Variants in CCNJL observed in about 807,000 individuals in gnomAD.
CCNJL encodes cyclin-J-like protein.
CCNJL carries 33 observed loss-of-function variants against 33.4 expected under a neutral mutation model. That is an observed-to-expected ratio of 0.99 (90% CI 0.75 to 1.32). CCNJL has a LOEUF of 1.32. Ranked by LOEUF, CCNJL falls within the 40% of genes most tolerant of loss-of-function variation. The pLI, the probability that CCNJL is intolerant of heterozygous loss-of-function variation, is 0.00. For synonymous variants in CCNJL, 227 were observed against 220.9 expected (o/e 1.03, Z -0.24); for missense variants, 512 against 499.7 (o/e 1.02, Z -0.23).
intron 2 of CCNJL, among the ~76,000 whole-genome samples, chr5:160,290,931 GGGTGCA>G (rs1432046999): frequency 2.0e-5 from 3 of 151,510 alleles, no homozygotes; most frequent in Non-Finnish European, 4.4e-5. Flanking sequence ...GGCAGGGGCT[GGGTGCA>G]GTGACTCACA....
chr5:160,305,681 A>T (rs1421454354), intron 2 of CCNJL, among the ~76,000 whole-genome samples: 3 of 152,350 alleles, frequency 2.0e-5, no homozygotes, highest in Non-Finnish European at 4.4e-5. Flanking sequence ...GGATATTTTT[A>T]AAATGAATTT....
At chr5:160,307,340 A>C (rs576352866) in intron 2 of CCNJL, among the ~76,000 whole-genome samples, 21 of 152,180 alleles carry the variant, frequency 1.4e-4, no homozygotes, top group Admixed American at 2.6e-4. Context: ...ATGGTGAAAG[A>C]AGCAAGGATG....
chr5:160,339,384 C>G, intron 1 of CCNJL: 1 of 340,460 alleles, frequency 2.9e-6, no homozygotes, highest in South Asian at 2.3e-5. Flanking sequence ...AAAAAAAACG[C>G]CAAAACCCCA....
intron 3 of CCNJL, among the ~76,000 whole-genome samples, chr5:160,279,529 T>C (rs546646363): frequency 6.6e-6 from 1 of 151,436 alleles, no homozygotes; most frequent in Non-Finnish European, 1.5e-5. Context: ...CCATGGGGGG[T>C]GGTGGTTGTT....
chr5:160,323,911 T>C (rs1763502973), intron 1 of CCNJL, among the ~76,000 whole-genome samples: 1 of 152,230 alleles, frequency 6.6e-6, no homozygotes, highest in Admixed American at 6.5e-5. Flanking sequence ...ATTGAAACAT[T>C]GGCTCTTTCT....
At chr5:160,280,443 G>A in intron 3 of CCNJL, 82 bp downstream of exon 3, 1 of 1,117,132 alleles carries the variant, frequency 9.0e-7, no homozygotes, top group African/African-American at 1.5e-5. Context: ...TCGTCAAAAT[G>A]TAAAGTGATT....
In CCNJL at chr5:160,337,348, T is replaced by C. The variant is rs185235457; in HGVS notation, n.206+2097A>G. Among the ~76,000 whole-genome samples the C allele has an allele frequency of 1.1e-4, 16 of 152,174 alleles. No individual in the cohort carries two copies. The East Asian group carries it at 3.1e-3, about 29-fold the overall frequency. Reference sequence around the variant, plus strand: ...GGGATTATTAAACTAATCTCCTGTCTCCCTCTTTTGTCATTGCCCCTCACA... The same window carrying C: ...GGGATTATTAAACTAATCTCCTGTCCCCCTCTTTTGTCATTGCCCCTCACA... On this transcript the variant is annotated intron_variant and non_coding_transcript_variant, in intron 1 of 7. Transcript: ENST00000377503.
chr5:160,275,513 C>G (rs1211530987), intron 3 of CCNJL, among the ~76,000 whole-genome samples: 1 of 152,046 alleles, frequency 6.6e-6, no homozygotes, highest in Admixed American at 6.6e-5. Context: ...GAGATAGGGT[C>G]TGGCTCTGTG....
At position 160,294,482 on chromosome 5, in the gene CCNJL, T is replaced by A. The variant is rs181272097; in HGVS notation, c.67-13744A>T. ...GGCCAGCTCCAAGCACACCTCCTCA[T>A]TCCCGGAAGCCAGAGCCACTGCCCT... On this transcript the variant is annotated intron_variant, in intron 2 of 5. Coordinates refer to ENST00000257536, the MANE Select transcript of CCNJL (RefSeq NM_001308173.3). Among the ~76,000 whole-genome samples, 4 of 152,256 alleles carry A rather than the reference T, an allele frequency of 2.6e-5. No homozygotes were observed. The East Asian group carries it at 7.8e-4, about 30-fold the overall frequency.
At chr5:160,264,360 T>A (rs1580956853) in intron 3 of CCNJL, among the ~76,000 whole-genome samples, 2 of 152,294 alleles carry the variant, frequency 1.3e-5, no homozygotes, top group South Asian at 4.2e-4. Flanking sequence ...ATGCCTCTTA[T>A]GTGCCCTCCT....
Position 160,253,624 on chromosome 5 carries a change from G to A in CCNJL, c.918C>T (p.Cys306=), listed in dbSNP as rs757793736. ...CCTGCAAGGAGTCCCGATAGGCCAAGCATAGGTCCTGCACGGGGGTCTGGA... is the reference window on the plus strand; with the variant it reads ...CCTGCAAGGAGTCCCGATAGGCCAAACATAGGTCCTGCACGGGGGTCTGGA... ...AQFQTPVQDL[C]LAYRDSLQAH... is the part of the protein sequence containing the mutation. The change falls in exon 6 of 6, where the codon TGC becomes TGT. Residue 306 remains cysteine (C), a synonymous_variant. Coordinates refer to ENST00000257536, the MANE Select transcript of CCNJL (RefSeq NM_001308173.3). 1.2e-6 allele frequency: 2 copies of A among 1,613,386 alleles called. No homozygotes were observed. The highest frequency in any genetic ancestry group is 2.2e-5 in the South Asian group (2 of 90,948).
At chr5:160,325,525 G>A (rs1406747813) in intron 1 of CCNJL, among the ~76,000 whole-genome samples, 2 of 152,088 alleles carry the variant, frequency 1.3e-5, no homozygotes, top group Non-Finnish European at 2.9e-5. Context: ...GCTGAGCACC[G>A]TCTCCTCCAT....
In CCNJL at chr5:160,255,318, A is replaced by T. The variant is rs10039214; in HGVS notation, c.743+231T>A. 1.3e-3 allele frequency: 481 copies of T among 357,274 alleles called. 3 individuals are homozygous for T. Among genetic ancestry groups the T allele is most frequent in the African/African-American group, 7.9e-3 (373 of 47,452 alleles). 22.1% of individuals were successfully genotyped at this position (357,274 alleles called of 1,614,324 possible). On this transcript the variant is annotated intron_variant, in intron 5 of 5. Coordinates refer to ENST00000257536, the MANE Select transcript of CCNJL (RefSeq NM_001308173.3). ...ACAGAGCGAGACTCTGTCTCAAAAA[A>T]AAAATAAAATAAAATAAAAAGCAAA...
intron 2 of CCNJL, among the ~76,000 whole-genome samples, chr5:160,306,011 C>T (rs567043410): frequency 2.2e-4 from 34 of 152,300 alleles, no homozygotes; most frequent in African/African-American, 7.7e-4. Flanking sequence ...CAGTGGCTCA[C>T]GCCTGTGATC....
chr5:160,285,385 A>G (rs986720133), intron 2 of CCNJL, among the ~76,000 whole-genome samples: 1 of 145,744 alleles, frequency 6.9e-6, no homozygotes. Flanking sequence ...CCCAGTGTGA[A>G]GAGAACAGGG....
chr5:160,298,315 C>T (rs1377325979), intron 2 of CCNJL, among the ~76,000 whole-genome samples: 6 of 151,616 alleles, frequency 4.0e-5, no homozygotes, highest in South Asian at 2.1e-4. Context: ...AGCGAGGTTG[C>T]GCCACTGCGC....
intron 2 of CCNJL, among the ~76,000 whole-genome samples, chr5:160,302,986 T>C (rs150901930): frequency 8.7e-4 from 132 of 152,228 alleles, no homozygotes; most frequent in African/African-American, 2.9e-3. Context: ...GGAGGGAAAT[T>C]TGGGGACAAC....
In CCNJL at chr5:160,251,887, C is replaced by T. The variant is rs1261320907; in HGVS notation, c.*1491G>A. 6.6e-6 allele frequency: 1 copy of T among 152,148 alleles called. No homozygotes were observed. The highest frequency in any genetic ancestry group is 1.5e-5 in the Non-Finnish European group (1 of 68,028). The allele number at this position is 152,148 out of a possible 1,614,324, so 9.4% of individuals were successfully genotyped here. A position where few individuals can be genotyped will look rare whatever the true frequency, so the allele number is the denominator to read the frequency against. ...CACGGTGGCAGAGTCTTATCCACAC[C>T]CCGTCTCTTTTCTTACTGTCTCCAT... On this transcript the variant is annotated 3_prime_UTR_variant, in exon 6 of 6. Transcript: ENST00000257536.
At chr5:160,309,723 ATAAAG>A (rs1426472612) in intron 2 of CCNJL, among the ~76,000 whole-genome samples, 1 of 152,220 alleles carries the variant, frequency 6.6e-6, no homozygotes, top group Non-Finnish European at 1.5e-5. Context: ...GGGAGAGGAA[ATAAAG>A]TAAAGGAGAA....
Sources: gnomAD v4.1 joint callset for allele counts (sites outside exome capture counted in the v4.1 genomes callset) on GRCh38, gnomAD v4.1.1 for gene constraint, MANE v1.5 for transcripts, NCBI Gene and HGNC (gene_info 2026-07-23, HGNC 2026-07-21) for gene names.